DEUP1: variants seen among roughly 807,000 people sequenced by gnomAD.
DEUP1 encodes deuterosome assembly protein 1, also known as coiled-coil domain containing 67.
A neutral mutation model predicts 87.4 loss-of-function variants in DEUP1; 82 were observed. The ratio of observed to expected loss-of-function variants is 0.94; its 90% confidence interval spans 0.78 to 1.13. DEUP1 has a LOEUF of 1.13. DEUP1 is among the 50% of genes most tolerant of loss of function. DEUP1 has a pLI of 0.00. For synonymous variants in DEUP1, 214 were observed against 222.7 expected (o/e 0.96, Z 0.35); for missense variants, 663 against 681.5 (o/e 0.97, Z 0.30).
chr11:93,352,394 A>C (rs1041193911), intron 2 of DEUP1: 2 of 702,492 alleles, frequency 2.8e-6, no homozygotes, highest in Admixed American at 4.0e-5. Context: ...AGCTTCTTTG[A>C]AAAAGAACTC....
chr11:93,414,309 C>T (rs1591250531), intron 12 of DEUP1, among the ~76,000 whole-genome samples: 1 of 152,054 alleles, frequency 6.6e-6, no homozygotes, highest in Non-Finnish European at 1.5e-5. Flanking sequence ...GTCAGGAGAT[C>T]GAGACCATCC....
chr11:93,414,392 A>C (rs1947540514), intron 12 of DEUP1, among the ~76,000 whole-genome samples: 1 of 152,094 alleles, frequency 6.6e-6, no homozygotes. Context: ...GGGCGCCTAT[A>C]ATCCCAGCTA....
intron 8 of DEUP1, among the ~76,000 whole-genome samples, chr11:93,386,728 A>G (rs1156646619): frequency 1.3e-5 from 2 of 152,174 alleles, no homozygotes; most frequent in Non-Finnish European, 2.9e-5. Context: ...GCATTATCGA[A>G]TGCTCTGTAT....
chr11:93,391,206 T>C (rs1030765859), intron 9 of DEUP1, among the ~76,000 whole-genome samples: 2 of 152,194 alleles, frequency 1.3e-5, no homozygotes, highest in Non-Finnish European at 2.9e-5. Flanking sequence ...TTTTTTCCAG[T>C]CTAGAACTGT....
chr11:93,351,308 C>A (rs1039481717), intron 2 of DEUP1, among the ~76,000 whole-genome samples: 6 of 152,124 alleles, frequency 3.9e-5, no homozygotes, highest in Non-Finnish European at 2.9e-5. Context: ...CTTATTTTAA[C>A]TTCCTTAGCA....
At chr11:93,355,254 T>TA (rs1306512942) in intron 2 of DEUP1, 117 bp from the exon 3 acceptor site, 1 of 939,076 alleles carries the variant, frequency 1.1e-6, no homozygotes, top group Non-Finnish European at 1.6e-6. Flanking sequence ...TATTCCTATT[T>TA]AAATAATTGA....
chr11:93,395,389 A>G (rs1035994095), intron 10 of DEUP1, among the ~76,000 whole-genome samples: 2 of 152,182 alleles, frequency 1.3e-5, no homozygotes, highest in African/African-American at 4.8e-5. Context: ...CACAAATAAC[A>G]TGACTAAAAT....
chr11:93,365,888 GT>G (rs1477200095), intron 5 of DEUP1, among the ~76,000 whole-genome samples: 1 of 152,184 alleles, frequency 6.6e-6, no homozygotes, highest in African/African-American at 2.4e-5. Context: ...CCTTTGAGGT[GT>G]TTAATAGAAG....
Position 93,385,490 on chromosome 11 carries a change from C to T in DEUP1, c.882C>T (p.His294=). 4 of 1,610,916 alleles carry T rather than the reference C, an allele frequency of 2.5e-6. No individual in the cohort carries two copies. The highest frequency in any genetic ancestry group is 3.4e-6 in the Non-Finnish European group (4 of 1,178,342). ...RIIEMERLQL[H]RELLKIGECQ... is the part of the protein sequence containing the mutation. ...TAGAAATGGAACGATTGCAATTACACAGAGAATTATTAAAAATAGGAGAGT... is the reference window on the plus strand; with the variant it reads ...TAGAAATGGAACGATTGCAATTACATAGAGAATTATTAAAAATAGGAGAGT... Residue 294 remains histidine, a synonymous_variant, in exon 8 of 14, where the codon CAC becomes CAT. Coordinates refer to ENST00000298050, the MANE Select transcript of DEUP1 (RefSeq NM_181645.4).
At chr11:93,354,567 G>A (rs1403419888) in intron 2 of DEUP1, among the ~76,000 whole-genome samples, 1 of 152,160 alleles carries the variant, frequency 6.6e-6, no homozygotes, top group Non-Finnish European at 1.5e-5. Context: ...AGAAAAACAG[G>A]TTTAATTGGA....
chr11:93,430,239 A>G (rs1322239535), intron 13 of DEUP1, among the ~76,000 whole-genome samples: 1 of 152,202 alleles, frequency 6.6e-6, no homozygotes, highest in Non-Finnish European at 1.5e-5. Flanking sequence ...TAAAATAAAC[A>G]TGTATTGAGC....
At chr11:93,405,436 A>G (rs1382510890) in intron 11 of DEUP1, among the ~76,000 whole-genome samples, 1 of 152,022 alleles carries the variant, frequency 6.6e-6, no homozygotes, top group Non-Finnish European at 1.5e-5. Flanking sequence ...AATACCTTCA[A>G]TGGCCTTCCT....
chr11:93,378,673 G>T (rs1387314223), intron 7 of DEUP1, among the ~76,000 whole-genome samples: 4 of 150,786 alleles, frequency 2.7e-5, no homozygotes, highest in African/African-American at 1.0e-4. Flanking sequence ...TACCAGAATT[G>T]TTTTTCTGGT....
rs889591831 is a variant in DEUP1, at chr11:93,437,910, C to T, written c.*191C>T. ...AAAGCTGTTCACATTTCTGCATTAACATGCTAAATTGTCCTGCTGTAGAGT... is the reference window on the plus strand; with the variant it reads ...AAAGCTGTTCACATTTCTGCATTAATATGCTAAATTGTCCTGCTGTAGAGT... On this transcript the variant is annotated 3_prime_UTR_variant, in exon 14 of 14. Transcript: ENST00000298050. 2.2e-6 allele frequency: 1 copy of T among 464,090 alleles called. No homozygotes were observed. Among genetic ancestry groups the T allele is most frequent in the South Asian group, 2.5e-5 (1 of 40,010 alleles). The allele number at this position is 464,090 out of a possible 1,614,324, so 28.7% of individuals were successfully genotyped here. A position where few individuals can be genotyped will look rare whatever the true frequency, so the allele number is the denominator to read the frequency against.
At position 93,408,148 on chromosome 11, in the gene DEUP1, C is replaced by T. The variant is rs1016011476; in HGVS notation, c.1327-83C>T. ...CTTGGCTCAAATGAAAGGGCCTTTC[C>T]AGCACAAGTCTCCAAACACACAGAA... On this transcript the variant is annotated intron_variant, in intron 11 of 13. Transcript: ENST00000298050. The T allele has an allele frequency of 9.8e-6, 10 of 1,018,226 alleles. No homozygotes were observed. The African/African-American group carries it at 1.0e-4, about 10-fold the overall frequency. 63.1% of individuals were successfully genotyped at this position (1,018,226 alleles called of 1,614,324 possible).
At chr11:93,351,132 T>TGGGTAGTTG (rs1944609286) in intron 2 of DEUP1, among the ~76,000 whole-genome samples, 1 of 151,406 alleles carries the variant, frequency 6.6e-6, no homozygotes, top group Non-Finnish European at 1.5e-5. Flanking sequence ...AAACACTGGA[T>TGGGTAGTTG]GGGTAGTTGG....
chr11:93,348,900 C>T (rs1182708189), intron 2 of DEUP1, among the ~76,000 whole-genome samples: 5 of 152,216 alleles, frequency 3.3e-5, no homozygotes, highest in South Asian at 2.1e-4. Context: ...TACATACACA[C>T]GCAGCAGGTA....
chr11:93,362,583 C>A (rs942190953), intron 4 of DEUP1, among the ~76,000 whole-genome samples: 2 of 151,726 alleles, frequency 1.3e-5, no homozygotes, highest in Non-Finnish European at 3.0e-5. Context: ...GACATTGTAA[C>A]CCAATGTATT....
intron 13 of DEUP1, among the ~76,000 whole-genome samples, chr11:93,429,121 C>T (rs1377432852): frequency 1.3e-5 from 2 of 151,672 alleles, no homozygotes; most frequent in Non-Finnish European, 2.9e-5. Flanking sequence ...TGATATAAGC[C>T]CTTTGTTGCT....
Sources: gnomAD v4.1 joint callset for allele counts (sites outside exome capture counted in the v4.1 genomes callset) on GRCh38, gnomAD v4.1.1 for gene constraint, MANE v1.5 for transcripts, NCBI Gene and HGNC (gene_info 2026-07-23, HGNC 2026-07-21) for gene names.